Variants in TMEM178B observed in about 807,000 individuals in gnomAD.
The protein encoded by TMEM178B is transmembrane protein 178B.
Under a neutral mutation model 31.0 loss-of-function variants are expected in TMEM178B, and 5 were observed. The observed-to-expected ratio is 0.16, with a 90% CI of 0.08 to 0.34. The LOEUF is 0.34. Among genes scored for constraint, TMEM178B ranks in the 10% least tolerant of loss-of-function variants. The pLI is 1.00. For synonymous variants in TMEM178B, 164 were observed against 164.0 expected (o/e 1.00, Z 0.00); for missense variants, 275 against 400.3 (o/e 0.69, Z 2.67).
At chr7:141,401,479 G>C (rs1036140615) in intron 2 of TMEM178B, among the ~76,000 whole-genome samples, 2 of 152,168 alleles carry the variant, frequency 1.3e-5, no homozygotes, top group African/African-American at 4.8e-5. Context: ...AGTGTGGTGC[G>C]ATCATAGCTC....
chr7:141,256,944 A>G (rs921081506), intron 2 of TMEM178B, among the ~76,000 whole-genome samples: 1 of 152,182 alleles, frequency 6.6e-6, no homozygotes, highest in South Asian at 2.1e-4. Context: ...CAATATTTGT[A>G]TCTGGAGTTG....
chr7:141,434,007 T>C (rs1249853500), intron 2 of TMEM178B, among the ~76,000 whole-genome samples: 3 of 152,226 alleles, frequency 2.0e-5, no homozygotes, highest in African/African-American at 7.2e-5. Context: ...ACCTCATCTG[T>C]GTTAGAGGAC....
At chr7:141,135,656 A>G (rs577657756) in intron 1 of TMEM178B, among the ~76,000 whole-genome samples, 1 of 152,338 alleles carries the variant, frequency 6.6e-6, no homozygotes, top group South Asian at 2.1e-4. Flanking sequence ...GATCTTAAGA[A>G]GGAAGTTAAG....
chr7:141,285,327 A>G lies in TMEM178B; in HGVS notation c.496+72623A>G, dbSNP rs1324856569. Among the ~76,000 whole-genome samples the G allele has an allele frequency of 2.2e-5, 3 of 137,610 alleles. No homozygotes were observed. In the East Asian group the frequency reaches 6.3e-4, roughly 29 times the overall value. 90.3% of individuals were successfully genotyped at this position (137,610 alleles called of 152,430 possible). ...CACCACATCCTGCTAATTTTTTTGT[A>G]TTTTTTTTTTTTAGTGGAGACAGGG... On this transcript the variant is annotated intron_variant, in intron 2 of 3. Coordinates refer to ENST00000565468, the MANE Select transcript of TMEM178B (RefSeq NM_001195278.2).
intron 1 of TMEM178B, among the ~76,000 whole-genome samples, chr7:141,088,723 T>C (rs1227037696): frequency 1.3e-5 from 2 of 152,232 alleles, no homozygotes; most frequent in Non-Finnish European, 2.9e-5. Context: ...CATAAATGTG[T>C]TCTTTTGAGA....
intron 1 of TMEM178B, among the ~76,000 whole-genome samples, chr7:141,114,771 ACT>A (rs1795291956): frequency 1.3e-5 from 2 of 152,122 alleles, no homozygotes; most frequent in African/African-American, 4.8e-5. Flanking sequence ...ATTATCTCAG[ACT>A]CTGCTTAAGC....
At chr7:141,206,406 G>A (rs1379527059) in intron 1 of TMEM178B, among the ~76,000 whole-genome samples, 1 of 152,166 alleles carries the variant, frequency 6.6e-6, no homozygotes, top group East Asian at 1.9e-4. Flanking sequence ...TGGATGTTTT[G>A]TCTGCCTTTC....
At position 141,478,550 on chromosome 7, in the gene TMEM178B, C is replaced by T. The variant is rs1210565480; in HGVS notation, c.*7764C>T. 2 of 152,138 alleles carry T rather than the reference C, an allele frequency of 1.3e-5. No homozygotes were observed. The highest frequency in any genetic ancestry group is 1.3e-4 in the Admixed American group (2 of 15,276). The allele number at this position is 152,138 out of a possible 1,614,324, so 9.4% of individuals were successfully genotyped here. A position where few individuals can be genotyped will look rare whatever the true frequency, so the allele number is the denominator to read the frequency against. On this transcript the variant is annotated 3_prime_UTR_variant, in exon 4 of 4. Coordinates refer to ENST00000565468, the MANE Select transcript of TMEM178B (RefSeq NM_001195278.2). ...ATGCAATTTAAAATATTCTAGTAGC[C>T]ACATTTTTTAAAGTCCAAAGAAACA...
intron 1 of TMEM178B, among the ~76,000 whole-genome samples, chr7:141,160,563 T>G (rs947668796): frequency 2.6e-5 from 4 of 152,188 alleles, no homozygotes; most frequent in Admixed American, 2.0e-4. Context: ...TGTCTGACTG[T>G]GCCTTGGTGG....
rs1796530162 is a variant in TMEM178B at position 141,181,531 on chromosome 7, G to A, written c.383-31060G>A. Among the ~76,000 whole-genome samples, 4 of 152,212 alleles carry A rather than the reference G, an allele frequency of 2.6e-5. No homozygotes were observed. The South Asian group carries it at 8.3e-4, about 32-fold the overall frequency. Reference sequence around the variant, plus strand: ...TGGCTTCCCACAGAGGGAAATATTTGAGATGAGTGGATTGGGAGGTTATAT... The same window carrying A: ...TGGCTTCCCACAGAGGGAAATATTTAAGATGAGTGGATTGGGAGGTTATAT... On this transcript the variant is annotated intron_variant, in intron 1 of 3. Transcript: ENST00000565468.
intron 2 of TMEM178B, among the ~76,000 whole-genome samples, chr7:141,313,901 G>T (rs1437058087): frequency 6.6e-6 from 1 of 152,132 alleles, no homozygotes; most frequent in Non-Finnish European, 1.5e-5. Flanking sequence ...CAAGAAATCA[G>T]CATGTGCAAA....
chr7:141,180,066 G>A (rs1282833128), intron 1 of TMEM178B, among the ~76,000 whole-genome samples: 1 of 152,098 alleles, frequency 6.6e-6, no homozygotes, highest in Admixed American at 6.5e-5. Context: ...ATGGCTGGTG[G>A]TCCATAACTC....
intron 1 of TMEM178B, among the ~76,000 whole-genome samples, chr7:141,109,039 A>C (rs1795192683): frequency 1.3e-5 from 2 of 152,184 alleles, no homozygotes; most frequent in African/African-American, 4.8e-5. Context: ...CATGAGACTT[A>C]TTCACTACCA....
intron 1 of TMEM178B, among the ~76,000 whole-genome samples, chr7:141,193,003 A>C (rs912956478): frequency 6.6e-6 from 1 of 152,226 alleles, no homozygotes; most frequent in African/African-American, 2.4e-5. Context: ...AATTTCTCCA[A>C]TGTTAGCTGC....
At chr7:141,389,138 G>A (rs1053809133) in intron 2 of TMEM178B, among the ~76,000 whole-genome samples, 5 of 152,074 alleles carry the variant, frequency 3.3e-5, no homozygotes, top group Admixed American at 2.0e-4. Context: ...TCCAGCCAGC[G>A]GAAACATGCC....
At chr7:141,192,882 G>A (rs750408027) in intron 1 of TMEM178B, among the ~76,000 whole-genome samples, 1 of 152,202 alleles carries the variant, frequency 6.6e-6, no homozygotes, top group Non-Finnish European at 1.5e-5. Context: ...TGTGCGTTTT[G>A]AAGTCCTAAT....
At chr7:141,180,697 TA>T (rs925009610) in intron 1 of TMEM178B, among the ~76,000 whole-genome samples, 20 of 152,180 alleles carry the variant, frequency 1.3e-4, no homozygotes, top group African/African-American at 3.9e-4. Flanking sequence ...ATTATCTTTT[TA>T]GTTTTCAATA....
chr7:141,486,161 C>T, the TMEM178B span, among the ~76,000 whole-genome samples: 1 of 152,148 alleles, frequency 6.6e-6, no homozygotes, highest in African/African-American at 2.4e-5. Flanking sequence ...GAAAGACAGA[C>T]ACCATGTGTT....
chr7:141,322,215 C>T (rs1799111842), intron 2 of TMEM178B, among the ~76,000 whole-genome samples: 1 of 151,972 alleles, frequency 6.6e-6, no homozygotes, highest in South Asian at 2.1e-4. Context: ...ACTTCAGTGT[C>T]CATTAGAGAT....
Sources: gnomAD v4.1 joint callset for allele counts (sites outside exome capture counted in the v4.1 genomes callset) on GRCh38, gnomAD v4.1.1 for gene constraint, MANE v1.5 for transcripts, NCBI Gene and HGNC (gene_info 2026-07-23, HGNC 2026-07-21) for gene names.